SYNPO: variants seen among roughly 807,000 people sequenced by gnomAD.
The protein encoded by SYNPO is synaptopodin.
A neutral mutation model predicts 49.5 loss-of-function variants in SYNPO; 19 were observed. That is an observed-to-expected ratio of 0.38 (90% CI 0.27 to 0.56). The LOEUF is 0.56. SYNPO is among the 20% of genes least tolerant of loss of function. SYNPO has a pLI of 0.68. For missense variants in SYNPO, 1,131 were observed against 1,248.3 expected (o/e 0.91, Z 1.42); for synonymous variants, 536 against 548.0 (o/e 0.98, Z 0.31).
upstream of SYNPO, among the ~76,000 whole-genome samples, chr5:150,596,332 T>G (rs1283202446): frequency 1.3e-5 from 2 of 152,152 alleles, no homozygotes; most frequent in Non-Finnish European, 2.9e-5. Context: ...GTGGGACTAG[T>G]CCCTTTTGCT....
chr5:150,633,435 TGA>T (rs1757606241), intron 2 of SYNPO, among the ~76,000 whole-genome samples: 1 of 152,136 alleles, frequency 6.6e-6, no homozygotes, highest in African/African-American at 2.4e-5. Context: ...GCACTGCCAG[TGA>T]GAGGGGTCTT....
At chr5:150,605,744 CCACACACACACACATA>C (rs1756673490) in intron 1 of SYNPO, among the ~76,000 whole-genome samples, 3 of 141,110 alleles carry the variant, frequency 2.1e-5, no homozygotes, top group Non-Finnish European at 3.0e-5. Flanking sequence ...ACCACCCCCA[CCACACACACACACATA>C]CACACACACA....
chr5:150,640,584 G>A (rs1379892973), upstream of SYNPO: 1 of 926,208 alleles, frequency 1.1e-6, no homozygotes, highest in East Asian at 1.2e-4. Context: ...CTGGCAGCGT[G>A]GGGCGGGTAG....
Position 150,641,006 on chromosome 5 carries a change from G to A in SYNPO, c.-333+152G>A, listed in dbSNP as rs3733932. 6.9e-3 allele frequency among the ~76,000 whole-genome samples: 1,051 copies of A among 152,292 alleles called. 31 individuals are homozygous for A. The East Asian group carries it at 0.085, about 12-fold the overall frequency. On this transcript the variant is annotated intron_variant, in intron 1 of 2. Coordinates refer to ENST00000307662, the MANE Select transcript of SYNPO (RefSeq NM_007286.6). ...CCAGCCTGTGAGTGGTGAGGCGGGG[G>A]CTGGGCCTGGGGCTCCCCACCCCAT... is the stretch of plus-strand genomic sequence containing the variant.
At chr5:150,627,878 G>A (rs139692612) in intron 2 of SYNPO, among the ~76,000 whole-genome samples, 1 of 152,282 alleles carries the variant, frequency 6.6e-6, no homozygotes, top group Non-Finnish European at 1.5e-5. Context: ...GCAGGGACTG[G>A]AGGGTGGGGG....
At chr5:150,605,546 G>C (rs1756668313) in intron 1 of SYNPO, among the ~76,000 whole-genome samples, 1 of 152,100 alleles carries the variant, frequency 6.6e-6, no homozygotes, top group Admixed American at 6.5e-5. Flanking sequence ...GAGGCCCTTG[G>C]TACTTACCCG....
intron 2 of SYNPO, among the ~76,000 whole-genome samples, chr5:150,621,287 T>G (rs1757165016): frequency 1.3e-5 from 2 of 152,174 alleles, no homozygotes; most frequent in Admixed American, 1.3e-4. Context: ...CAGTCTGTCA[T>G]CCAGTTCTGT....
intron 2 of SYNPO, among the ~76,000 whole-genome samples, chr5:150,624,400 A>C (rs1411529250): frequency 1.3e-5 from 2 of 152,202 alleles, no homozygotes; most frequent in Non-Finnish European, 1.5e-5. Flanking sequence ...AGAGAAAAGA[A>C]AAGGGGACAC....
chr5:150,609,973 C>T (rs1307914850), intron 1 of SYNPO, among the ~76,000 whole-genome samples: 1 of 152,270 alleles, frequency 6.6e-6, no homozygotes, highest in Non-Finnish European at 1.5e-5. Flanking sequence ...TGACCTCAGC[C>T]AGTCTCAGCC....
intron 2 of SYNPO, among the ~76,000 whole-genome samples, chr5:150,631,803 TG>T (rs1005001144): frequency 6.6e-6 from 1 of 152,170 alleles, no homozygotes; most frequent in African/African-American, 2.4e-5. Context: ...AGGAGGGTTA[TG>T]GAGGCCCAGC....
rs1402191631 is a variant in SYNPO, at chr5:150,618,522, C to T, written c.155C>T (p.Pro52Leu). 5 of 1,551,134 alleles carry T rather than the reference C, an allele frequency of 3.2e-6. No individual in the cohort carries two copies. The South Asian group carries it at 4.8e-5, about 15-fold the overall frequency. Residue 52 changes from proline to leucine, a missense_variant, in exon 2 of 3, where the codon CCT (proline) becomes CTT (leucine). By Grantham distance (98) the Pro-to-Leu change is moderately conservative (BLOSUM62 -3). Coordinates refer to the SYNPO transcript ENST00000394243. ...GAGGGCCTGCAGGGAGAGGTGGGGC[C>T]TACCGACCTGGAAGAGGATGAGGGG...
chr5:150,648,347 A>G lies in SYNPO; in HGVS notation c.72A>G (p.Val24=), dbSNP rs376542347. The change falls in exon 2 of 3, where the codon GTA becomes GTG. Residue 24 remains valine, a synonymous_variant. Transcript: ENST00000307662. The surrounding 1 kb of genome is among the most constrained non-coding windows in gnomAD (Gnocchi z 5.0). ...AGGTGGCCAGTGAGGAGGAAGAGGT[A>G]CCACTGGTGGTTTATCTAAAGGAGA... ...LEKVASEEEE[V]PLVVYLKENA... is the part of the protein sequence containing the mutation. 2 of 1,614,038 alleles carry G rather than the reference A, an allele frequency of 1.2e-6. No homozygotes were observed. Among genetic ancestry groups the G allele is most frequent in the Non-Finnish European group, 1.7e-6 (2 of 1,180,032 alleles).
At chr5:150,616,708 A>G (rs1756992438) in intron 1 of SYNPO, among the ~76,000 whole-genome samples, 1 of 152,060 alleles carries the variant, frequency 6.6e-6, no homozygotes, top group African/African-American at 2.4e-5. Flanking sequence ...TCTATTAACA[A>G]AATCTCTGTC....
intron 2 of SYNPO, chr5:150,652,784 T>C (rs922468903): frequency 6.6e-6 from 1 of 152,306 alleles, no homozygotes; most frequent in African/African-American, 2.4e-5. Context: ...TTCCCACATT[T>C]GCCATTGTTT....
intron 1 of SYNPO, among the ~76,000 whole-genome samples, chr5:150,611,399 G>A (rs1233663691): frequency 1.3e-5 from 2 of 152,218 alleles, no homozygotes; most frequent in Non-Finnish European, 2.9e-5. Flanking sequence ...TCAGTAAGAT[G>A]CAGGGACTCA....
At chr5:150,623,343 C>G (rs879580634) in intron 2 of SYNPO, among the ~76,000 whole-genome samples, 1 of 152,166 alleles carries the variant, frequency 6.6e-6, no homozygotes, top group Non-Finnish European at 1.5e-5. Context: ...TTCCACATCT[C>G]TTTCTCTTTC....
exon 2 of SYNPO, chr5:150,618,722 G>A: frequency 1.3e-6 from 2 of 1,551,142 alleles, no homozygotes; most frequent in Non-Finnish European, 1.7e-6. Flanking sequence ...GATGATGACA[G>A]CCAGCCCCAG....
intron 1 of SYNPO, chr5:150,617,637 T>C (rs917999175): frequency 6.6e-6 from 1 of 152,164 alleles, no homozygotes; most frequent in Non-Finnish European, 1.5e-5. Flanking sequence ...CAAGGGCTCC[T>C]ATCCCCAGTT....
intron 1 of SYNPO, among the ~76,000 whole-genome samples, chr5:150,604,650 T>C (rs150708172): frequency 0.014 from 2,103 of 152,314 alleles, 54 homozygotes; most frequent in African/African-American, 0.048. Context: ...GCTCCTGTAG[T>C]AGCCGTGGGA....
Sources: gnomAD v4.1 joint callset for allele counts (sites outside exome capture counted in the v4.1 genomes callset) on GRCh38, gnomAD v4.1.1 for gene constraint, Gnocchi (gnomAD v3.1) non-coding constraint, MANE v1.5 for transcripts, NCBI Gene and HGNC (gene_info 2026-07-23, HGNC 2026-07-21) for gene names.